The following SGPL1 variants were observed in gnomAD, a reference collection of about 807,000 sequenced individuals.
SGPL1 encodes the protein sphingosine-1-phosphate lyase 1.
In SGPL1, 37 loss-of-function variants were observed where a neutral mutation model predicts 68.9. The ratio of observed to expected loss-of-function variants is 0.54; its 90% CI spans 0.41 to 0.71. SGPL1 has a LOEUF of 0.71. Ranked by LOEUF, SGPL1 falls within the 30% of genes least tolerant of loss-of-function variation. The pLI is 0.00. For missense variants in SGPL1, 551 were observed against 704.6 expected, an observed-to-expected ratio of 0.78 and a Z score of 2.47; for synonymous variants, 236 against 248.5, an observed-to-expected ratio of 0.95 and a Z score of 0.47.
intron 11 of SGPL1, among the ~76,000 whole-genome samples, chr10:70,872,486 G>A (rs1284433396): frequency 6.6e-6 from 1 of 152,226 alleles, no homozygotes; most frequent in African/African-American, 2.4e-5. Context: ...CAGCATTTGA[G>A]ATGGCCACGC....
intron 2 of SGPL1, among the ~76,000 whole-genome samples, chr10:70,824,598 A>G (rs2131850852): frequency 6.6e-6 from 1 of 152,356 alleles, no homozygotes; most frequent in African/African-American, 2.4e-5. Context: ...GATGACAAAA[A>G]AAAAGTAAAA....
At chr10:70,846,682 G>A (rs1389746416) in intron 3 of SGPL1, among the ~76,000 whole-genome samples, 1 of 152,166 alleles carries the variant, frequency 6.6e-6, no homozygotes, top group Non-Finnish European at 1.5e-5. Flanking sequence ...GTACATTTAT[G>A]AAATAAGGCT....
intron 2 of SGPL1, among the ~76,000 whole-genome samples, chr10:70,824,833 C>T (rs147331813): frequency 0.04 from 6,160 of 152,202 alleles, 160 homozygotes; most frequent in Non-Finnish European, 0.059. Flanking sequence ...TATATATAAA[C>T]ATGGGTAAGG....
At chr10:70,863,266 C>T (rs529736379) in intron 7 of SGPL1, among the ~76,000 whole-genome samples, 5 of 146,520 alleles carry the variant, frequency 3.4e-5, no homozygotes, top group African/African-American at 1.3e-4. Flanking sequence ...GGATTACAGG[C>T]GTAAGCCACC....
chr10:70,857,322 T>A lies in SGPL1; in HGVS notation c.410-292T>A, dbSNP rs144223427. On this transcript the variant is annotated intron_variant, in intron 5 of 14. Transcript: ENST00000373202. ...TATAGACAAAGGCAAATGTTCCTGC[T>A]GTTAGAAGGCAGTTGAGGATGAGGA... 556 of 350,366 alleles carry A rather than the reference T, an allele frequency of 1.6e-3. 1 individual carries two copies. Among genetic ancestry groups the A allele is most frequent in the Non-Finnish European group, 2.4e-3 (436 of 184,078 alleles). 21.7% of individuals were successfully genotyped at this position (350,366 alleles called of 1,614,324 possible). A position where few individuals can be genotyped will look rare whatever the true frequency, so the allele number is the denominator to read the frequency against.
intron 5 of SGPL1, chr10:70,857,309 C>T (rs1391410203): frequency 2.9e-6 from 1 of 340,350 alleles, no homozygotes; most frequent in East Asian, 8.6e-5. Flanking sequence ...TAGACAAAGG[C>T]AAATGTTCCT....
rs1256215678 is a variant in SGPL1 at position 70,844,467 on chromosome 10, T to A, written c.28-6T>A. The A allele has an allele frequency of 6.2e-7, 1 of 1,611,418 alleles. No individual in the cohort carries two copies. The highest frequency in any genetic ancestry group is 8.5e-7 in the Non-Finnish European group (1 of 1,178,398). ...TAATGTTTTTATTTTTCACTTGTAT[T>A]TCTAGAAGGCCTTTGAGCCCTACTT... On this transcript the variant is annotated splice_region_variant and splice_polypyrimidine_tract_variant and intron_variant, in intron 2 of 14. Coordinates refer to ENST00000373202, the MANE Select transcript of SGPL1 (RefSeq NM_003901.4).
At chr10:70,849,913 T>G (rs1306372314) in intron 3 of SGPL1, among the ~76,000 whole-genome samples, 1 of 152,212 alleles carries the variant, frequency 6.6e-6, no homozygotes, top group African/African-American at 2.4e-5. Context: ...ATCACTGATT[T>G]TATCTGTGGC....
At chr10:70,857,570 A>C in intron 5 of SGPL1, 44 bp from the exon 6 acceptor site, 39 of 1,473,684 alleles carry the variant, frequency 2.6e-5, no homozygotes, top group Non-Finnish European at 3.5e-5. Context: ...CTGTCTTCCC[A>C]GAGATTCTTG....
intron 2 of SGPL1, among the ~76,000 whole-genome samples, chr10:70,819,825 GTAGT>G (rs907219916): frequency 4.6e-5 from 7 of 151,974 alleles, no homozygotes; most frequent in African/African-American, 1.5e-4. Context: ...TGTAGAGATG[GTAGT>G]TTGCCATGTT....
intron 3 of SGPL1, among the ~76,000 whole-genome samples, chr10:70,850,894 G>A (rs1451707516): frequency 6.6e-6 from 1 of 151,896 alleles, no homozygotes; most frequent in Non-Finnish European, 1.5e-5. Context: ...GGGGGGATAC[G>A]TTTGAGAGAG....
At chr10:70,862,499 C>T (rs183623909) in intron 7 of SGPL1, among the ~76,000 whole-genome samples, 2 of 152,264 alleles carry the variant, frequency 1.3e-5, no homozygotes, top group African/African-American at 4.8e-5. Context: ...AGTGGCAACA[C>T]GCTCGGGTCC....
rs1360560103 is a variant in SGPL1 at position 70,879,453 on chromosome 10, G to A, written c.*2118G>A. The A allele has an allele frequency of 1.3e-5, 2 of 152,956 alleles. No homozygotes were observed. Among genetic ancestry groups the A allele is most frequent in the African/African-American group, 4.8e-5 (2 of 41,442 alleles). The allele number at this position is 152,956 out of a possible 1,614,324, so 9.5% of individuals were successfully genotyped here. On this transcript the variant is annotated 3_prime_UTR_variant, in exon 15 of 15. Transcript: ENST00000373202. ...ATTGTGGGTTCCAAGAGTGGGTAGTGTGTGTATGTGTGTGTGTCAGAGGGA... is the reference window on the plus strand; with the variant it reads ...ATTGTGGGTTCCAAGAGTGGGTAGTATGTGTATGTGTGTGTGTCAGAGGGA...
intron 2 of SGPL1, among the ~76,000 whole-genome samples, chr10:70,837,513 G>T (rs1845644916): frequency 6.6e-6 from 1 of 152,200 alleles, no homozygotes; most frequent in African/African-American, 2.4e-5. Context: ...GGAAGAGAAA[G>T]TTTTTAGTGA....
intron 7 of SGPL1, 63 bp downstream of exon 7, chr10:70,859,562 A>G (rs1846018115): frequency 1.2e-6 from 1 of 838,032 alleles, no homozygotes. Context: ...AGAGTTTTTA[A>G]TAAATATTAA....
At chr10:70,869,940 C>T in intron 9 of SGPL1, 43 bp downstream of exon 9, 3 of 1,494,000 alleles carry the variant, frequency 2.0e-6, no homozygotes, top group East Asian at 2.3e-5. Context: ...TGGGCCCTGA[C>T]AGCAGAAGGG....
Position 70,832,630 on chromosome 10 carries a change from T to G in SGPL1, c.28-11843T>G, listed in dbSNP as rs1443312803. ...TATCCAAGAAATTATCATTTCTAGTTTTAGAGAATGATGAAACTCATTTGT... is the reference window on the plus strand; with the variant it reads ...TATCCAAGAAATTATCATTTCTAGTGTTAGAGAATGATGAAACTCATTTGT... On this transcript the variant is annotated intron_variant, in intron 2 of 14. Coordinates refer to ENST00000373202, the MANE Select transcript of SGPL1 (RefSeq NM_003901.4). Among the ~76,000 whole-genome samples the G allele has an allele frequency of 2.0e-5, 3 of 152,226 alleles. No homozygotes were observed. The East Asian group carries it at 5.8e-4, about 29-fold the overall frequency.
At chr10:70,843,904 G>A (rs1289684564) in intron 2 of SGPL1, among the ~76,000 whole-genome samples, 1 of 152,168 alleles carries the variant, frequency 6.6e-6, no homozygotes, top group Non-Finnish European at 1.5e-5. Context: ...TTTGGTGTCT[G>A]TAATTACATT....
chr10:70,856,021 G>A (rs1845958063), intron 5 of SGPL1, among the ~76,000 whole-genome samples: 1 of 152,030 alleles, frequency 6.6e-6, no homozygotes, highest in Admixed American at 6.5e-5. Flanking sequence ...TTGAGACAGA[G>A]TCTCACTGTG....
Sources: allele counts gnomAD v4.1 joint callset (sites outside exome capture counted in the v4.1 genomes callset), GRCh38; gene constraint gnomAD v4.1.1; transcripts MANE v1.5; gene names NCBI Gene and HGNC (gene_info 2026-07-23, HGNC 2026-07-21).